IL22RA2: variants seen among roughly 807,000 people sequenced by gnomAD.
IL22RA2 encodes the protein interleukin-22 receptor subunit alpha-2.
In IL22RA2, 39 loss-of-function variants were observed where a neutral mutation model predicts 30.7. That is an observed-to-expected ratio of 1.27 (90% CI 0.98 to 1.66). The LOEUF (loss-of-function observed/expected upper bound fraction) is 1.66. IL22RA2 is among the 40% of genes most tolerant of loss of function. The pLI is 0.00. For missense variants in IL22RA2, 315 were observed against 312.7 expected, an observed-to-expected ratio of 1.01 and a Z score of -0.05; for synonymous variants, 103 against 105.0, an observed-to-expected ratio of 0.98 and a Z score of 0.11.
At position 137,145,508 on chromosome 6, in the gene IL22RA2, G is replaced by A. The variant is rs1283155717; in HGVS notation, c.*116C>T. On this transcript the variant is annotated 3_prime_UTR_variant, in exon 7 of 7. Coordinates refer to ENST00000296980, the MANE Select transcript of IL22RA2 (RefSeq NM_052962.3). Reference sequence around the variant, plus strand: ...AAAGAAGTCCCCAAGGTGTAACAGTGAATATTGCTTTAAGAAAATACAAAA... The same window carrying A: ...AAAGAAGTCCCCAAGGTGTAACAGTAAATATTGCTTTAAGAAAATACAAAA... 1.1e-6 allele frequency: 1 copy of A among 881,992 alleles called. No homozygotes were observed. The highest frequency in any genetic ancestry group is 2.7e-5 in the East Asian group (1 of 37,126). 54.6% of individuals were successfully genotyped at this position (881,992 alleles called of 1,614,324 possible).
chr6:137,173,598 G>A lies in IL22RA2; in HGVS notation c.-251C>T, dbSNP rs1242583489. ...ATGAAGAAACTGAGACATAGATAGA[G>A]AGGTGGAGAGAACTTGACCAGGGCT... On this transcript the variant is annotated 5_prime_UTR_variant, in exon 1 of 7. Transcript: ENST00000296980. 2 of 152,198 alleles carry A rather than the reference G, an allele frequency of 1.3e-5. No individual in the cohort carries two copies. The highest frequency in any genetic ancestry group is 4.8e-5 in the African/African-American group (2 of 41,442). The allele number at this position is 152,198 out of a possible 1,614,324, so 9.4% of individuals were successfully genotyped here. A position where few individuals can be genotyped will look rare whatever the true frequency, so the allele number is the denominator to read the frequency against.
chr6:137,157,119 A>G (rs1008254754), intron 3 of IL22RA2, among the ~76,000 whole-genome samples: 5 of 152,096 alleles, frequency 3.3e-5, no homozygotes, highest in Non-Finnish European at 5.9e-5. Flanking sequence ...GTGGAGACAA[A>G]CTCAAACCAT....
In IL22RA2 at chr6:137,145,432, G is replaced by A. The variant is rs1053987389; in HGVS notation, c.*192C>T. 6.3e-5 allele frequency: 30 copies of A among 478,284 alleles called. No individual in the cohort carries two copies. The highest frequency in any genetic ancestry group is 8.9e-5 in the Non-Finnish European group (25 of 279,962). 29.6% of individuals were successfully genotyped at this position (478,284 alleles called of 1,614,324 possible). A position where few individuals can be genotyped will look rare whatever the true frequency, so the allele number is the denominator to read the frequency against. ...ATTTCAATTTTTCGGGGGGAATGTC[G>A]TTCAAATATAGTTTACAAATGAAAT... On this transcript the variant is annotated 3_prime_UTR_variant, in exon 7 of 7. Transcript: ENST00000296980.
intron 5 of IL22RA2, among the ~76,000 whole-genome samples, chr6:137,149,091 C>T (rs1778237451): frequency 1.3e-5 from 2 of 152,182 alleles, no homozygotes; most frequent in African/African-American, 4.8e-5. Flanking sequence ...TTCCTCCTAC[C>T]TCTTTGGCTA....
chr6:137,145,709 C>T lies in IL22RA2; in HGVS notation c.707G>A (p.Ser236Asn). 3.1e-6 allele frequency: 5 copies of T among 1,613,816 alleles called. No homozygotes were observed. The highest frequency in any genetic ancestry group is 3.4e-6 in the Non-Finnish European group (4 of 1,179,824). ...VEIEALTPHS[S>N]YCVVAEIYQP... ...ATATATTTCAGCCACTACACAGTAG[C>T]TGGAGTGTGGTGTTAGAGCTTCAAT... The change falls in exon 7 of 7, where the codon AGC (serine) becomes AAC (asparagine). Residue 236 changes from serine to asparagine, a missense_variant. Transcript: ENST00000296980.
At chr6:137,162,933 G>A (rs1273879048) in intron 1 of IL22RA2, among the ~76,000 whole-genome samples, 5 of 152,164 alleles carry the variant, frequency 3.3e-5, no homozygotes. Context: ...AGTAGTAATA[G>A]AAATTTTAAA....
At chr6:137,165,057 G>GT (rs1562273837) in intron 1 of IL22RA2, among the ~76,000 whole-genome samples, 2 of 152,192 alleles carry the variant, frequency 1.3e-5, no homozygotes, top group Non-Finnish European at 1.5e-5. Context: ...TTCAAGCACA[G>GT]GAGATATCAG....
intron 3 of IL22RA2, among the ~76,000 whole-genome samples, chr6:137,157,662 T>A (rs995847049): frequency 3.3e-5 from 5 of 151,948 alleles, no homozygotes; most frequent in Admixed American, 1.3e-4. Context: ...GGAGACAGGA[T>A]TGAGCCTCAA....
Position 137,158,467 on chromosome 6 carries a change from T to C in IL22RA2, c.77A>G (p.His26Arg), listed in dbSNP as rs77622675. ...TACCCTCTGAGGCTTCAGAGACTCA[T>C]GCGTTGACTGAGTTCCTAAGATAAT... ...LTGVAGTQST[H>R]ESLKPQRVQF... Residue 26 changes from histidine to arginine, a missense_variant, in exon 3 of 7, where the codon CAT (histidine) becomes CGT (arginine). Coordinates refer to ENST00000296980, the MANE Select transcript of IL22RA2 (RefSeq NM_052962.3). 13 of 1,613,930 alleles carry C rather than the reference T, an allele frequency of 8.1e-6. No homozygotes were observed. Among genetic ancestry groups the C allele is most frequent in the Non-Finnish European group, 8.5e-6 (10 of 1,179,936 alleles).
chr6:137,166,709 C>T (rs141990173), intron 1 of IL22RA2, among the ~76,000 whole-genome samples: 15 of 152,302 alleles, frequency 9.8e-5, no homozygotes, highest in Admixed American at 2.0e-4. Context: ...ATGGGAGGCT[C>T]GCCAGCTATC....
chr6:137,154,512 G>A (rs1778356491), intron 5 of IL22RA2, among the ~76,000 whole-genome samples: 1 of 152,194 alleles, frequency 6.6e-6, no homozygotes, highest in African/African-American at 2.4e-5. Context: ...CTACTCGGGA[G>A]GCAGAGGCCG....
chr6:137,145,534 AC>A lies in IL22RA2; in HGVS notation c.*89del, dbSNP rs1205067456. The stretch of plus-strand genomic sequence containing the variant: ...AATATTGCTTTAAGAAAATACAAAA[AC>A]AATTTTAAATAAGATCCTTCAAACA... On this transcript the variant is annotated 3_prime_UTR_variant, in exon 7 of 7. Coordinates refer to ENST00000296980, the MANE Select transcript of IL22RA2 (RefSeq NM_052962.3). 3 of 1,240,314 alleles carry A rather than the reference AC, an allele frequency of 2.4e-6. No individual in the cohort carries two copies. Among genetic ancestry groups the A allele is most frequent in the Non-Finnish European group, 3.3e-6 (3 of 905,010 alleles). 76.8% of individuals were successfully genotyped at this position (1,240,314 alleles called of 1,614,324 possible).
chr6:137,155,214 G>T, intron 4 of IL22RA2, 95 bp from the exon 5 acceptor site: 1 of 861,264 alleles, frequency 1.2e-6, no homozygotes. Context: ...CCTGATTCTA[G>T]TAGCAATACC....
At position 137,167,715 on chromosome 6, in the gene IL22RA2, C is replaced by G. The variant is rs569096609; in HGVS notation, c.-66+5698G>C. On this transcript the variant is annotated intron_variant, in intron 1 of 6. Transcript: ENST00000296980. ...ACCAGAAGCAGCCACCACCCAGGAC[C>G]AGTGGACAAGTCAACAAAACCCAGA... is the stretch of plus-strand genomic sequence containing the variant. 5.2e-4 allele frequency among the ~76,000 whole-genome samples: 79 copies of G among 152,316 alleles called. 1 individual carries two copies. The South Asian group carries it at 0.016, about 31-fold the overall frequency.
At chr6:137,159,846 G>A (rs1179551278) in intron 2 of IL22RA2, among the ~76,000 whole-genome samples, 1 of 152,064 alleles carries the variant, frequency 6.6e-6, no homozygotes, top group Non-Finnish European at 1.5e-5. Flanking sequence ...ACGTTATTGA[G>A]ATGGTTAAAA....
chr6:137,151,268 G>A (rs892911292), intron 5 of IL22RA2, among the ~76,000 whole-genome samples: 11 of 152,252 alleles, frequency 7.2e-5, no homozygotes, highest in East Asian at 5.8e-4. Flanking sequence ...TAAACTACAC[G>A]TCTATGGTCT....
intron 2 of IL22RA2, 37 bp from the exon 3 acceptor site, chr6:137,158,519 C>T: frequency 6.2e-7 from 1 of 1,610,260 alleles, no homozygotes; most frequent in East Asian, 2.2e-5. Flanking sequence ...TTGAACGTTG[C>T]TTGGAGCACT....
At chr6:137,160,839 G>A (rs764055863) in intron 2 of IL22RA2, among the ~76,000 whole-genome samples, 26 of 152,186 alleles carry the variant, frequency 1.7e-4, no homozygotes, top group Non-Finnish European at 2.9e-4. Context: ...AATTCCTGCC[G>A]TATTTTGCTA....
chr6:137,151,803 C>T (rs1188997571), intron 5 of IL22RA2, among the ~76,000 whole-genome samples: 2 of 152,136 alleles, frequency 1.3e-5, no homozygotes, highest in African/African-American at 2.4e-5. Flanking sequence ...AACAGAAGCT[C>T]AACATCATTA....
Sources: gnomAD v4.1 joint callset for allele counts (sites outside exome capture counted in the v4.1 genomes callset) on GRCh38, gnomAD v4.1.1 for gene constraint, MANE v1.5 for transcripts, NCBI Gene and HGNC (gene_info 2026-07-23, HGNC 2026-07-21) for gene names.